The following MTA3 variants were observed in gnomAD, a reference collection of about 807,000 sequenced individuals.
The protein encoded by MTA3 is metastasis associated 1 family member 3, also known as metastasis-associated protein MTA3.
A neutral mutation model predicts 83.5 loss-of-function variants in MTA3; 34 were observed. The observed-to-expected ratio is 0.41, with a 90% CI of 0.31 to 0.54. The LOEUF (loss-of-function observed/expected upper bound fraction) is 0.54. Ranked by LOEUF, MTA3 falls within the 20% of genes least tolerant of loss-of-function variation. MTA3 has a pLI of 0.33. For synonymous variants in MTA3, 303 were observed against 252.7 expected, an observed-to-expected ratio of 1.20 and a Z score of -1.89; for missense variants, 761 against 726.4, an observed-to-expected ratio of 1.05 and a Z score of -0.55.
intron 13 of MTA3, among the ~76,000 whole-genome samples, 179 bp from the exon 14 acceptor site, chr2:42,708,695 C>T (rs1462104074): frequency 2.0e-5 from 3 of 152,150 alleles, no homozygotes; most frequent in South Asian, 4.1e-4. Context: ...CTCTACTCCC[C>T]ACCTCTTTCC....
At chr2:42,531,445 C>CTTTTTTTTTTTTTTTTTTT (rs10659582) in intron 2 of MTA3, among the ~76,000 whole-genome samples, 1 of 75,344 alleles carries the variant, frequency 1.3e-5, no homozygotes, top group Non-Finnish European at 2.3e-5. Context: ...GAAGCAAACT[C>CTTTTTTTTTTTTTTTTTTT]TTTTTTTTTT....
intron 14 of MTA3, among the ~76,000 whole-genome samples, chr2:42,709,893 T>C (rs146890572): frequency 6.6e-6 from 1 of 152,376 alleles, no homozygotes; most frequent in Non-Finnish European, 1.5e-5. Context: ...TTTATTTTTG[T>C]TAGCACAGAG....
At chr2:42,520,277 T>A (rs144787881) in intron 2 of MTA3, among the ~76,000 whole-genome samples, 37 of 152,280 alleles carry the variant, frequency 2.4e-4, no homozygotes, top group South Asian at 2.1e-3. Context: ...GATCTCCCGT[T>A]CTTTTCCAAT....
At chr2:42,587,885 C>G (rs61612415) in intron 3 of MTA3, among the ~76,000 whole-genome samples, 2 of 152,120 alleles carry the variant, frequency 1.3e-5, no homozygotes, top group African/African-American at 4.8e-5. Context: ...TCCAGGTGTC[C>G]CTGGTGTACT....
chr2:42,747,395 C>T (rs1223362424), intron 16 of MTA3, among the ~76,000 whole-genome samples: 3 of 151,994 alleles, frequency 2.0e-5, no homozygotes, highest in African/African-American at 7.2e-5. Flanking sequence ...CAACATAAGA[C>T]AAGGTAGGTC....
intron 3 of MTA3, among the ~76,000 whole-genome samples, chr2:42,593,827 G>A (rs1340301707): frequency 6.6e-6 from 1 of 151,968 alleles, no homozygotes. Flanking sequence ...AAAAATAAAT[G>A]GTTATATGCA....
At chr2:42,632,943 T>G (rs1364943377) in intron 4 of MTA3, among the ~76,000 whole-genome samples, 3 of 151,654 alleles carry the variant, frequency 2.0e-5, no homozygotes, top group African/African-American at 7.3e-5. Context: ...ATTTCCAGAT[T>G]TAATTCTCTT....
chr2:42,720,951 CAAA>C (rs377702701), intron 15 of MTA3, among the ~76,000 whole-genome samples: 5,270 of 69,534 alleles, frequency 0.076, 54 homozygotes, highest in Middle Eastern at 0.16. Flanking sequence ...GACCCTGTCT[CAAA>C]AAAAAAAAAA....
intron 9 of MTA3, among the ~76,000 whole-genome samples, chr2:42,688,617 T>G (rs1692606664): frequency 6.7e-6 from 1 of 148,178 alleles, no homozygotes; most frequent in African/African-American, 2.5e-5. Flanking sequence ...TTCAAGTGTT[T>G]TTTTTTTTTT....
intron 3 of MTA3, among the ~76,000 whole-genome samples, chr2:42,605,749 G>T (rs1683238910): frequency 7.7e-6 from 1 of 129,158 alleles, no homozygotes; most frequent in Admixed American, 7.2e-5. Flanking sequence ...TGGGGCGGCT[G>T]GCCGGGCAGA....
intron 2 of MTA3, among the ~76,000 whole-genome samples, chr2:42,544,360 C>G (rs1572955886): frequency 6.6e-6 from 1 of 151,530 alleles, no homozygotes. Context: ...GCAGGAGAAT[C>G]GCTCGAACCC....
At chr2:42,579,411 A>C (rs1573038086) in intron 3 of MTA3, among the ~76,000 whole-genome samples, 1 of 119,334 alleles carries the variant, frequency 8.4e-6, no homozygotes, top group African/African-American at 3.1e-5. Flanking sequence ...ATGTAATTTT[A>C]TATCTATATA....
chr2:42,710,625 A>G (rs992056078), intron 14 of MTA3, among the ~76,000 whole-genome samples: 2 of 151,036 alleles, frequency 1.3e-5, no homozygotes, highest in East Asian at 1.9e-4. Context: ...ACTATATTAG[A>G]TTCATGTATA....
intron 2 of MTA3, among the ~76,000 whole-genome samples, chr2:42,534,241 C>T (rs2888839): frequency 0.36 from 55,200 of 152,016 alleles, 10,168 homozygotes; most frequent in South Asian, 0.41. Context: ...GGCCCCATCA[C>T]TGATTTCTCC....
chr2:42,588,850 C>T (rs1485631405), intron 3 of MTA3, among the ~76,000 whole-genome samples: 1 of 151,896 alleles, frequency 6.6e-6, no homozygotes, highest in Admixed American at 6.6e-5. Flanking sequence ...GGTTTATATA[C>T]ATATAAAGAG....
intron 2 of MTA3, among the ~76,000 whole-genome samples, chr2:42,559,570 T>G (rs1677565187): frequency 6.6e-6 from 1 of 150,756 alleles, no homozygotes; most frequent in Non-Finnish European, 1.5e-5. Flanking sequence ...TAAGAGCTGC[T>G]GGCTCTGCCT....
chr2:42,543,224 C>T (rs1350051684), intron 2 of MTA3, among the ~76,000 whole-genome samples: 2 of 152,132 alleles, frequency 1.3e-5, no homozygotes, highest in South Asian at 2.1e-4. Context: ...GTCGCCCAGG[C>T]TGGAGAGCAG....
chr2:42,683,570 A>C (rs1692120316), intron 9 of MTA3, among the ~76,000 whole-genome samples: 1 of 152,144 alleles, frequency 6.6e-6, no homozygotes, highest in African/African-American at 2.4e-5. Context: ...GACTCACCAT[A>C]ATGGAGAATC....
upstream of MTA3, chr2:42,568,080 C>T (rs946824101): frequency 1.3e-5 from 2 of 152,270 alleles, no homozygotes; most frequent in Admixed American, 1.3e-4. Context: ...CTTCCTGGCC[C>T]TAGAGCCTGC....
Sources: allele counts gnomAD v4.1 joint callset (sites outside exome capture counted in the v4.1 genomes callset), GRCh38; gene constraint gnomAD v4.1.1; transcripts MANE v1.5; gene names NCBI Gene and HGNC (gene_info 2026-07-23, HGNC 2026-07-21).